CSMD1: variants seen among roughly 807,000 people sequenced by gnomAD.
The protein encoded by CSMD1 is CUB and Sushi multiple domains 1, also known as CUB and sushi domain-containing protein 1.
CSMD1 carries 213 observed loss-of-function variants against 417.5 expected under a neutral mutation model. That is an observed-to-expected ratio of 0.51 (90% confidence interval 0.46 to 0.57). The LOEUF is 0.57. Ranked by LOEUF, CSMD1 falls within the 20% of genes least tolerant of loss-of-function variation. The probability of loss-of-function intolerance (pLI) is 0.00; values close to 1 mark genes in which losing one functional copy is unlikely to be tolerated. For synonymous variants in CSMD1, 2,862 were observed against 1,736.8 expected (o/e 1.65, Z -16.11); for missense variants, 6,923 against 4,529.7 (o/e 1.53, Z -15.17).
intron 7 of CSMD1, among the ~76,000 whole-genome samples, chr8:3,688,444 G>C (rs1800058407): frequency 6.6e-6 from 1 of 152,104 alleles, no homozygotes; most frequent in South Asian, 2.1e-4. Flanking sequence ...CATGATTTGA[G>C]GCAAATGACT....
chr8:4,266,963 A>T (rs1181065013), intron 3 of CSMD1, among the ~76,000 whole-genome samples: 2 of 104,718 alleles, frequency 1.9e-5, no homozygotes, highest in African/African-American at 5.2e-5. Flanking sequence ...TAAAATTAAC[A>T]ATTTTGGAAC....
At chr8:4,350,266 C>G (rs1284737826) in intron 3 of CSMD1, among the ~76,000 whole-genome samples, 1 of 152,274 alleles carries the variant, frequency 6.6e-6, no homozygotes, top group Non-Finnish European at 1.5e-5. Context: ...AAGCCTCACT[C>G]TAGGGGACGC....
intron 1 of CSMD1, among the ~76,000 whole-genome samples, chr8:4,993,493 T>C (rs77808916): frequency 0.047 from 7,189 of 151,952 alleles, 194 homozygotes; most frequent in Middle Eastern, 0.11. Flanking sequence ...GGTCGCAGCC[T>C]GTAGGCTACT....
At chr8:4,239,500 C>A (rs912950836) in intron 3 of CSMD1, among the ~76,000 whole-genome samples, 2 of 152,170 alleles carry the variant, frequency 1.3e-5, no homozygotes, top group African/African-American at 4.8e-5. Context: ...TGCCCCACCC[C>A]AGTCTGGTCC....
chr8:4,586,302 C>T (rs905735552), intron 2 of CSMD1, among the ~76,000 whole-genome samples: 9 of 152,170 alleles, frequency 5.9e-5, no homozygotes, highest in Admixed American at 3.3e-4. Context: ...CCCAATTTTT[C>T]CCCAGGCAAT....
In CSMD1 at chr8:4,343,245, G is replaced by T. The variant is rs367552158; in HGVS notation, c.415+76708C>A. On this transcript the variant is annotated intron_variant, in intron 3 of 69. Coordinates refer to ENST00000635120, the MANE Select transcript of CSMD1 (RefSeq NM_033225.6). ...ATAATCAAATACAAAGACACAGACAGGAGGATGGAGGTTGCCAGTGGTTGT... is the reference window on the plus strand; with the variant it reads ...ATAATCAAATACAAAGACACAGACATGAGGATGGAGGTTGCCAGTGGTTGT... Among the ~76,000 whole-genome samples, 8 of 152,232 alleles carry T rather than the reference G, an allele frequency of 5.3e-5. No individual in the cohort carries two copies. The East Asian group carries it at 1.4e-3, about 26-fold the overall frequency.
intron 1 of CSMD1, among the ~76,000 whole-genome samples, chr8:4,920,518 T>A (rs1379545109): frequency 6.6e-6 from 1 of 152,114 alleles, no homozygotes; most frequent in African/African-American, 2.4e-5. Context: ...TGGGGACCTG[T>A]CCTCAGAAAT....
At chr8:3,450,679 G>A (rs1323623966) in intron 12 of CSMD1, among the ~76,000 whole-genome samples, 3 of 151,966 alleles carry the variant, frequency 2.0e-5, no homozygotes, top group Non-Finnish European at 2.9e-5. Context: ...ATTCCATGGT[G>A]TATATGTGCC....
chr8:4,108,194 G>C (rs1223457769), intron 3 of CSMD1, among the ~76,000 whole-genome samples: 2 of 152,028 alleles, frequency 1.3e-5, no homozygotes, highest in Admixed American at 6.6e-5. Context: ...GACTCTATGG[G>C]AAACAAATCA....
intron 10 of CSMD1, among the ~76,000 whole-genome samples, chr8:3,556,517 C>CACAT (rs1491159860): frequency 1.2e-5 from 1 of 85,592 alleles, no homozygotes; most frequent in Admixed American, 1.3e-4. Context: ...TTTTCACACG[C>CACAT]ACACACACAC....
At chr8:4,914,390 C>T (rs1480063455) in intron 1 of CSMD1, among the ~76,000 whole-genome samples, 1 of 151,934 alleles carries the variant, frequency 6.6e-6, no homozygotes, top group Non-Finnish European at 1.5e-5. Context: ...TCCTGGCTAA[C>T]ACGGTGAAAC....
chr8:4,060,818 C>T (rs1431126024), intron 3 of CSMD1, among the ~76,000 whole-genome samples: 1 of 152,028 alleles, frequency 6.6e-6, no homozygotes, highest in Non-Finnish European at 1.5e-5. Flanking sequence ...GGGGCAAGGA[C>T]TAAAATCAGA....
At chr8:4,106,039 T>C (rs1482042081) in intron 3 of CSMD1, among the ~76,000 whole-genome samples, 1 of 152,136 alleles carries the variant, frequency 6.6e-6, no homozygotes, top group Non-Finnish European at 1.5e-5. Flanking sequence ...TGCATCAAGG[T>C]AGGCCAGATT....
intron 18 of CSMD1, among the ~76,000 whole-genome samples, chr8:3,375,633 G>A (rs1810259721): frequency 6.6e-6 from 1 of 152,070 alleles, no homozygotes; most frequent in Non-Finnish European, 1.5e-5. Context: ...ATCTTGTGCA[G>A]AAACCCCCAG....
At chr8:3,443,998 A>C (rs569573447) in intron 12 of CSMD1, among the ~76,000 whole-genome samples, 7 of 152,162 alleles carry the variant, frequency 4.6e-5, no homozygotes, top group Non-Finnish European at 1.0e-4. Flanking sequence ...ACAATGGAAG[A>C]CATGAGAAAA....
intron 6 of CSMD1, among the ~76,000 whole-genome samples, chr8:3,711,102 T>A (rs758165756): frequency 6.6e-6 from 1 of 152,156 alleles, no homozygotes; most frequent in Admixed American, 6.5e-5. Context: ...CCTATAGCAA[T>A]ATTTTCCCCA....
At chr8:4,066,432 C>A (rs961801705) in intron 3 of CSMD1, among the ~76,000 whole-genome samples, 1 of 152,194 alleles carries the variant, frequency 6.6e-6, no homozygotes, top group East Asian at 1.9e-4. Context: ...GAGTGCCTTG[C>A]ACATGCTAGC....
intron 3 of CSMD1, among the ~76,000 whole-genome samples, chr8:4,392,778 G>T (rs1434256963): frequency 6.6e-6 from 1 of 151,598 alleles, no homozygotes. Flanking sequence ...GAACATCCTG[G>T]CCAACATGGT....
intron 65 of CSMD1, among the ~76,000 whole-genome samples, chr8:2,953,591 T>C (rs904173492): frequency 6.6e-6 from 1 of 152,158 alleles, no homozygotes; most frequent in Non-Finnish European, 1.5e-5. Flanking sequence ...TTGGGATACA[T>C]TTTGTTATTT....
Sources: allele counts gnomAD v4.1 joint callset (sites outside exome capture counted in the v4.1 genomes callset), GRCh38; gene constraint gnomAD v4.1.1; transcripts MANE v1.5; gene names NCBI Gene and HGNC (gene_info 2026-07-23, HGNC 2026-07-21).